The following DPYD variants were observed in gnomAD, a reference collection of about 807,000 sequenced individuals.
DPYD encodes the protein dihydropyrimidine dehydrogenase.
A neutral mutation model predicts 116.2 loss-of-function variants in DPYD; 109 were observed. The observed-to-expected ratio is 0.94, with a 90% CI of 0.80 to 1.10. The LOEUF is 1.10. Ranked by LOEUF, DPYD falls within the 50% of genes least tolerant of loss-of-function variation. The pLI is 0.00. For missense variants in DPYD, 1,302 were observed against 1,254.5 expected (o/e 1.04, Z -0.57); for synonymous variants, 440 against 432.0 (o/e 1.02, Z -0.23).
At chr1:97,786,838 T>C (rs754468424) in intron 3 of DPYD, among the ~76,000 whole-genome samples, 2 of 152,224 alleles carry the variant, frequency 1.3e-5, no homozygotes, top group African/African-American at 2.4e-5. Context: ...TGTTAAAATA[T>C]AGTATATACC....
intron 17 of DPYD, 69 bp from the exon 18 acceptor site, chr1:97,305,447 C>T: frequency 2.5e-5 from 40 of 1,603,646 alleles, no homozygotes; most frequent in Non-Finnish European, 3.3e-5. Context: ...CATTCAAACC[C>T]TCACATCCCA....
chr1:97,704,348 TA>T (rs1661779101), intron 5 of DPYD, among the ~76,000 whole-genome samples: 1 of 152,068 alleles, frequency 6.6e-6, no homozygotes, highest in South Asian at 2.1e-4. Flanking sequence ...GAGTTGGCAT[TA>T]TATGAAAAAT....
At chr1:97,402,310 T>C (rs1272907589) in intron 14 of DPYD, among the ~76,000 whole-genome samples, 1 of 152,168 alleles carries the variant, frequency 6.6e-6, no homozygotes, top group African/African-American at 2.4e-5. Flanking sequence ...CAGAGTTTTG[T>C]AGCTCTCCTC....
chr1:97,122,059 A>C (rs914256547), intron 20 of DPYD, among the ~76,000 whole-genome samples: 2 of 152,162 alleles, frequency 1.3e-5, no homozygotes, highest in Admixed American at 1.3e-4. Flanking sequence ...TGTTTTCAGT[A>C]CCAGAGATGA....
At chr1:97,835,506 A>G (rs1669727114) in intron 2 of DPYD, among the ~76,000 whole-genome samples, 1 of 152,056 alleles carries the variant, frequency 6.6e-6, no homozygotes, top group Non-Finnish European at 1.5e-5. Flanking sequence ...ATTAAGTAAT[A>G]TTTTAGTACT....
At chr1:97,304,013 G>C (rs1667018727) in intron 18 of DPYD, among the ~76,000 whole-genome samples, 1 of 151,994 alleles carries the variant, frequency 6.6e-6, no homozygotes, top group Non-Finnish European at 1.5e-5. Context: ...TATAGTATGG[G>C]AGAATATTCA....
intron 2 of DPYD, among the ~76,000 whole-genome samples, chr1:97,879,305 C>A (rs1175819734): frequency 6.6e-6 from 1 of 151,780 alleles, no homozygotes; most frequent in African/African-American, 2.4e-5. Context: ...TTGTATGTGT[C>A]ATGCATTTAG....
intron 14 of DPYD, among the ~76,000 whole-genome samples, chr1:97,402,468 A>C (rs1029888824): frequency 9.9e-5 from 15 of 152,190 alleles, no homozygotes; most frequent in African/African-American, 3.6e-4. Context: ...ATTAACCTTT[A>C]ATCTTGCCAC....
intron 13 of DPYD, among the ~76,000 whole-genome samples, chr1:97,475,469 T>A (rs1313606115): frequency 6.6e-6 from 1 of 151,918 alleles, no homozygotes. Flanking sequence ...AAAAGAAAAA[T>A]AGACTAAATA....
intron 11 of DPYD, among the ~76,000 whole-genome samples, chr1:97,566,218 C>T (rs545521260): frequency 1.3e-5 from 2 of 152,272 alleles, no homozygotes; most frequent in South Asian, 4.1e-4. Context: ...TGAGCCTCCC[C>T]TGTTAAAATG....
At chr1:97,662,044 G>C (rs1659295074) in intron 8 of DPYD, among the ~76,000 whole-genome samples, 1 of 144,756 alleles carries the variant, frequency 6.9e-6, no homozygotes, top group African/African-American at 2.6e-5. Flanking sequence ...GCCCAGGCTG[G>C]AGTGCAGTGG....
At chr1:97,203,824 A>ACAC (rs1659414568) in intron 19 of DPYD, among the ~76,000 whole-genome samples, 1 of 146,688 alleles carries the variant, frequency 6.8e-6, no homozygotes, top group Non-Finnish European at 1.5e-5. Flanking sequence ...AAAAAGAACA[A>ACAC]CTCACCTACA....
intron 20 of DPYD, among the ~76,000 whole-genome samples, chr1:97,150,857 T>C (rs1654963335): frequency 6.6e-6 from 1 of 152,214 alleles, no homozygotes; most frequent in Admixed American, 6.5e-5. Context: ...AAATAGAATA[T>C]ATTGCATCTT....
intron 20 of DPYD, among the ~76,000 whole-genome samples, chr1:97,140,565 C>T (rs1056195390): frequency 6.6e-6 from 1 of 152,110 alleles, no homozygotes; most frequent in African/African-American, 2.4e-5. Flanking sequence ...ATCTTTTAGC[C>T]TCATATGCTT....
intron 3 of DPYD, among the ~76,000 whole-genome samples, chr1:97,791,813 T>A (rs1225831421): frequency 6.6e-6 from 1 of 152,180 alleles, no homozygotes; most frequent in Non-Finnish European, 1.5e-5. Context: ...AATATTTAGC[T>A]GCACCAATAT....
rs80026881 is a variant in DPYD, at chr1:97,689,606, C to G, written c.762+2111G>C. 5.8e-3 allele frequency among the ~76,000 whole-genome samples: 881 copies of G among 152,042 alleles called. 13 individuals are homozygous for G. The highest frequency in any genetic ancestry group is 0.02 in the African/African-American group (837 of 41,520). On this transcript the variant is annotated intron_variant, in intron 7 of 22. Transcript: ENST00000370192. ...ACGGGAGTCAAACAGTATGAACCCA[C>G]AAAAATAGTTCATTTCATTGCCAGG...
intron 14 of DPYD, among the ~76,000 whole-genome samples, chr1:97,413,831 C>CT (rs1054501249): frequency 6.6e-5 from 10 of 151,056 alleles, no homozygotes; most frequent in Non-Finnish European, 8.9e-5. Context: ...TTCCTATCCT[C>CT]TTTTTTTTTC....
intron 1 of DPYD, among the ~76,000 whole-genome samples, chr1:97,891,581 A>C (rs1030222863): frequency 1.3e-5 from 2 of 151,876 alleles, no homozygotes; most frequent in African/African-American, 2.4e-5. Context: ...GAATGCGGAA[A>C]CATACAAACT....
intron 16 of DPYD, among the ~76,000 whole-genome samples, chr1:97,366,321 T>C (rs553376320): frequency 6.6e-6 from 1 of 152,204 alleles, no homozygotes; most frequent in African/African-American, 2.4e-5. Flanking sequence ...AAGTGGATAA[T>C]TTATTTTAAA....
Sources: allele counts gnomAD v4.1 joint callset (sites outside exome capture counted in the v4.1 genomes callset), GRCh38; gene constraint gnomAD v4.1.1; transcripts MANE v1.5; gene names NCBI Gene and HGNC (gene_info 2026-07-23, HGNC 2026-07-21).